CADPS2: variants seen among roughly 807,000 people sequenced by gnomAD.
CADPS2 encodes the protein calcium-dependent secretion activator 2.
Under a neutral mutation model 172.5 loss-of-function variants are expected in CADPS2, and 93 were observed. That is an observed-to-expected ratio of 0.54 (90% confidence interval 0.46 to 0.64). The LOEUF (loss-of-function observed/expected upper bound fraction) is 0.64. Ranked by LOEUF, CADPS2 falls within the 30% of genes least tolerant of loss-of-function variation. The probability of loss-of-function intolerance (pLI) is 0.00; values close to 1 mark genes in which losing one functional copy is unlikely to be tolerated. For missense variants in CADPS2, 1,420 were observed against 1,565.9 expected, an observed-to-expected ratio of 0.91 and a Z score of 1.57; for synonymous variants, 546 against 555.2, an observed-to-expected ratio of 0.98 and a Z score of 0.23.
intron 9 of CADPS2, among the ~76,000 whole-genome samples, chr7:122,505,360 T>C (rs1159625374): frequency 6.6e-6 from 1 of 152,134 alleles, no homozygotes; most frequent in Non-Finnish European, 1.5e-5. Flanking sequence ...GACAATTATT[T>C]TTTAAAAAAT....
intron 1 of CADPS2, among the ~76,000 whole-genome samples, chr7:122,851,788 A>T (rs1813704858): frequency 6.6e-6 from 1 of 152,184 alleles, no homozygotes; most frequent in Non-Finnish European, 1.5e-5. Context: ...GGAAAGACCC[A>T]ACCCCGTGAT....
chr7:122,448,351 C>T (rs2052579957), intron 15 of CADPS2, among the ~76,000 whole-genome samples: 2 of 152,286 alleles, frequency 1.3e-5, no homozygotes, highest in South Asian at 2.1e-4. Flanking sequence ...CCCCTACCAT[C>T]CAATTACCTC....
At chr7:122,649,361 C>T (rs960017484) in intron 3 of CADPS2, among the ~76,000 whole-genome samples, 2 of 152,146 alleles carry the variant, frequency 1.3e-5, no homozygotes, top group Admixed American at 6.5e-5. Context: ...CACTCCCAAA[C>T]CAGCTCTATT....
rs748166507 is a variant in CADPS2 at position 122,474,500 on chromosome 7, T to G, written c.1879A>C (p.Lys627Gln). The G allele has an allele frequency of 3.7e-6, 6 of 1,613,018 alleles. No individual in the cohort carries two copies. The highest frequency in any genetic ancestry group is 5.1e-6 in the Non-Finnish European group (6 of 1,179,478). Residue 627 changes from lysine (K) to glutamine (Q), a missense_variant, in exon 13 of 30, where the codon AAA becomes CAA. Lys to Gln is a moderately conservative substitution (Grantham distance 53). Transcript: ENST00000449022. ...GAAATAAACTCATCCATACCATGTT[T>G]CTGAAAACGATCTGCATCTGTAAAT... is the stretch of plus-strand genomic sequence containing the variant. The part of the protein sequence containing the change: ...LSGKDADRFQ[K>Q]HGMDEFISAN...
chr7:122,437,911 A>G (rs2050849244), intron 17 of CADPS2, among the ~76,000 whole-genome samples: 2 of 152,056 alleles, frequency 1.3e-5, no homozygotes, highest in Non-Finnish European at 2.9e-5. Context: ...AGTTTATTTC[A>G]GCCCTCAATA....
intron 8 of CADPS2, among the ~76,000 whole-genome samples, chr7:122,538,639 A>G (rs2062590245): frequency 6.7e-6 from 1 of 148,952 alleles, no homozygotes; most frequent in African/African-American, 2.5e-5. Flanking sequence ...CAAAAATTAG[A>G]AAGGCCAGTA....
In CADPS2 at chr7:122,437,942, A is replaced by C. The variant is rs995234607; in HGVS notation, c.2476+399T>G. On this transcript the variant is annotated intron_variant, in intron 17 of 29. Transcript: ENST00000449022. ...CAATAATCAACAAGTTTCTTTTTTG[A>C]GTGATACTGCAGAACAGAAAATAAA... 1.8e-4 allele frequency among the ~76,000 whole-genome samples: 27 copies of C among 152,102 alleles called. 1 individual carries two copies. The highest frequency in any genetic ancestry group is 9.2e-4 in the Admixed American group (14 of 15,248).
intron 11 of CADPS2, among the ~76,000 whole-genome samples, chr7:122,485,435 G>T (rs1234372277): frequency 6.6e-6 from 1 of 152,160 alleles, no homozygotes; most frequent in African/African-American, 2.4e-5. Context: ...GAATGGTCTG[G>T]ATAGATCAAA....
At chr7:122,553,101 C>T (rs2064532188) in intron 8 of CADPS2, among the ~76,000 whole-genome samples, 2 of 152,118 alleles carry the variant, frequency 1.3e-5, no homozygotes, top group South Asian at 4.1e-4. Context: ...GTCAGGTGTC[C>T]TGTGAGACTT....
chr7:122,593,024 T>A (rs1248318687), intron 6 of CADPS2, among the ~76,000 whole-genome samples: 1 of 141,944 alleles, frequency 7.0e-6, no homozygotes, highest in Non-Finnish European at 1.5e-5. Context: ...ATAAATGTAT[T>A]TGAAATTCCA....
chr7:122,579,718 T>C (rs1339953716), intron 7 of CADPS2, among the ~76,000 whole-genome samples: 1 of 151,982 alleles, frequency 6.6e-6, no homozygotes, highest in Admixed American at 6.6e-5. Flanking sequence ...TCCAAAGCTC[T>C]TGTATTAGAT....
chr7:122,609,770 G>A (rs145335148), intron 6 of CADPS2, among the ~76,000 whole-genome samples: 7 of 152,228 alleles, frequency 4.6e-5, no homozygotes, highest in African/African-American at 1.4e-4. Flanking sequence ...TTGGAAATAC[G>A]GACTAAATAA....
chr7:122,684,051 T>G (rs1405435058), intron 2 of CADPS2, among the ~76,000 whole-genome samples: 2 of 152,200 alleles, frequency 1.3e-5, no homozygotes, highest in Non-Finnish European at 2.9e-5. Context: ...ACTTACTTGT[T>G]TTTATTTATC....
intron 23 of CADPS2, among the ~76,000 whole-genome samples, chr7:122,387,723 T>C (rs904296328): frequency 6.6e-6 from 1 of 152,090 alleles, no homozygotes; most frequent in East Asian, 1.9e-4. Flanking sequence ...AACTGCATCA[T>C]GAGCAATTTG....
At position 122,589,900 on chromosome 7, in the gene CADPS2, T is replaced by C. The variant is rs73433792; in HGVS notation, c.1224-8610A>G. Among the ~76,000 whole-genome samples the C allele has an allele frequency of 2.7e-3, 416 of 152,042 alleles. 2 individuals carry two copies. Among genetic ancestry groups the C allele is most frequent in the Middle Eastern group, 0.017 (5 of 294 alleles). ...TATATTTTAAAGGTTTGCAATCATT[T>C]ATTGAGGTATAGTTTACATGCAGTA... On this transcript the variant is annotated intron_variant, in intron 6 of 29. Transcript: ENST00000449022.
chr7:122,358,401 C>A (rs2039698382), intron 27 of CADPS2, among the ~76,000 whole-genome samples: 1 of 152,102 alleles, frequency 6.6e-6, no homozygotes, highest in African/African-American at 2.4e-5. Context: ...GTAAATAGTT[C>A]TTCCCATTTG....
At chr7:122,347,819 T>C (rs976482567) in intron 27 of CADPS2, among the ~76,000 whole-genome samples, 1 of 152,216 alleles carries the variant, frequency 6.6e-6, no homozygotes, top group African/African-American at 2.4e-5. Context: ...CTACTATTAA[T>C]ACTTGAAGGA....
In CADPS2 at chr7:122,461,899, A is replaced by G. The variant is rs149189997; in HGVS notation, c.2186+9476T>C. ...GTGAGCCACCTCGCCTGGCCTGCCA[A>G]GAGCCTTCTTAATGGCAACAAAGAA... On this transcript the variant is annotated intron_variant, in intron 14 of 29. Coordinates refer to ENST00000449022, the MANE Select transcript of CADPS2 (RefSeq NM_017954.11). Among the ~76,000 whole-genome samples the G allele has an allele frequency of 1.1e-3, 160 of 152,282 alleles. 2 individuals carry two copies. The highest frequency in any genetic ancestry group is 7.7e-3 in the East Asian group (40 of 5,164).
At chr7:122,427,368 A>G (rs1431345293) in intron 17 of CADPS2, 8 of 152,190 alleles carry the variant, frequency 5.3e-5, no homozygotes, top group African/African-American at 1.9e-4. Context: ...TTTAACTCAG[A>G]TACTAGACAA....
Sources: gnomAD v4.1 joint callset for allele counts (sites outside exome capture counted in the v4.1 genomes callset) on GRCh38, gnomAD v4.1.1 for gene constraint, MANE v1.5 for transcripts, NCBI Gene and HGNC (gene_info 2026-07-23, HGNC 2026-07-21) for gene names.